PAK3: variants seen among roughly 807,000 people sequenced by gnomAD.
PAK3 encodes p21 (RAC1) activated kinase 3, also known as serine/threonine-protein kinase PAK 3.
A neutral mutation model predicts 41.0 loss-of-function variants in PAK3; 4 were observed. The observed-to-expected ratio is 0.10, with a 90% CI of 0.05 to 0.22. The LOEUF is 0.22. PAK3 is among the 10% of genes least tolerant of loss of function. The pLI is 1.00. For synonymous variants in PAK3, 146 were observed against 139.6 expected (o/e 1.05, Z -0.32); for missense variants, 205 against 409.9 (o/e 0.50, Z 4.32).
intron 1 of PAK3, among the ~76,000 whole-genome samples, chrX:110,990,384 A>T (rs1328378215): frequency 1.8e-5 from 2 of 112,049 alleles, no homozygotes; most frequent in Non-Finnish European, 3.8e-5. Flanking sequence ...TGAACATACC[A>T]TTTATGCAGG....
At chrX:111,018,893 A>G (rs1424398415) in intron 1 of PAK3, among the ~76,000 whole-genome samples, 1 of 111,580 alleles carries the variant, frequency 9.0e-6, no homozygotes, top group Non-Finnish European at 1.9e-5. Flanking sequence ...AATGACAGAC[A>G]CATATACCAA....
intron 1 of PAK3, among the ~76,000 whole-genome samples, chrX:111,016,658 A>G (rs1438670291): frequency 9.4e-6 from 1 of 106,881 alleles, no homozygotes; most frequent in Non-Finnish European, 1.9e-5. Context: ...ACTATTCAGT[A>G]GACTCTTTTT....
intron 1 of PAK3, among the ~76,000 whole-genome samples, chrX:110,984,114 G>A (rs191754113): frequency 1.4e-4 from 16 of 112,009 alleles, no homozygotes; most frequent in African/African-American, 4.5e-4. Context: ...TGCCATGTAT[G>A]GATGTTCAGG....
intron 1 of PAK3, among the ~76,000 whole-genome samples, chrX:111,037,404 G>T: frequency 8.9e-6 from 1 of 112,188 alleles, no homozygotes; most frequent in Non-Finnish European, 1.9e-5. Flanking sequence ...GGGTTGGTGT[G>T]AATGGCTTTT....
chrX:111,038,211 G>T (rs993306496), intron 1 of PAK3, among the ~76,000 whole-genome samples: 1 of 112,146 alleles, frequency 8.9e-6, no homozygotes, highest in Non-Finnish European at 1.9e-5. Flanking sequence ...TATGTTGGGG[G>T]CAGGAAGCAA....
At chrX:111,005,680 ATCCCCGGTGTTCTTT>A (rs2091912221) in intron 1 of PAK3, among the ~76,000 whole-genome samples, 1 of 111,575 alleles carries the variant, frequency 9.0e-6, no homozygotes, top group African/African-American at 3.3e-5. Context: ...GATTTGCTAT[ATCCCCGGTGTTCTTT>A]TCCCACCATC....
chrX:111,032,612 G>A (rs1259747603), intron 1 of PAK3, among the ~76,000 whole-genome samples: 3 of 111,727 alleles, frequency 2.7e-5, no homozygotes, highest in African/African-American at 9.8e-5. Flanking sequence ...CCAATGCTGA[G>A]CACAGACGAG....
chrX:111,137,190 T>C (rs977957027), intron 5 of PAK3, among the ~76,000 whole-genome samples: 2 of 111,406 alleles, frequency 1.8e-5, no homozygotes, highest in African/African-American at 6.5e-5. Flanking sequence ...TAGGCAAGTG[T>C]AGAAGTACTG....
intron 1 of PAK3, among the ~76,000 whole-genome samples, chrX:111,016,530 C>T (rs990423310): frequency 9.0e-6 from 1 of 110,891 alleles, no homozygotes; most frequent in African/African-American, 3.3e-5. Context: ...TATATGTGCA[C>T]ACGTGCTCAA....
At position 111,220,435 on chromosome X, in the gene PAK3, C is replaced by A; in HGVS notation, c.1623C>A (p.Asn541Lys). The A allele has an allele frequency of 8.5e-7, 1 of 1,177,692 alleles. No individual in the cohort carries two copies. The highest frequency in any genetic ancestry group is 2.3e-4 in the Middle Eastern group (1 of 4,262). The part of the protein sequence containing the change: ...LIIAAKEAIK[N>K]SSR Reference sequence around the variant, plus strand: ...TCGCTGCAAAGGAAGCAATTAAGAACAGCAGCCGCTAAGACTGCAAGCCTT... The same window carrying A: ...TCGCTGCAAAGGAAGCAATTAAGAAAAGCAGCCGCTAAGACTGCAAGCCTT... Residue 541 changes from asparagine (N) to lysine (K), a missense_variant, in exon 18 of 18, where the codon AAC becomes AAA. Physicochemically the swap from Asn to Lys is moderately conservative, Grantham distance 94. This residue lies in a region of PAK3 where 40 missense variants were observed against 54.4 expected (regional missense o/e 0.74). Transcript: ENST00000372007.
chrX:111,122,949 A>G lies in PAK3; in HGVS notation c.-27-128A>G, dbSNP rs1017059282. On this transcript the variant is annotated intron_variant, in intron 4 of 17. Coordinates refer to ENST00000372007, the MANE Select transcript of PAK3 (RefSeq NM_002578.5). ...TCCAGAAGAGAAACCCCTAAAAACG[A>G]TCCTCACACAAAACCTGAGAAAACA... 6.7e-5 allele frequency: 35 copies of G among 523,123 alleles called. No individual in the cohort carries two copies. In the Admixed American group the frequency reaches 9.9e-4, roughly 15 times the overall value. The allele number at this position is 523,123 out of a possible 1,213,427, so 43.1% of individuals were successfully genotyped here.
At chrX:110,977,184 C>T (rs1487463108) in intron 1 of PAK3, among the ~76,000 whole-genome samples, 1 of 109,729 alleles carries the variant, frequency 9.1e-6, no homozygotes, top group African/African-American at 3.3e-5. Flanking sequence ...TTAGGTTTAG[C>T]TTTTGTTTGA....
intron 1 of PAK3, among the ~76,000 whole-genome samples, chrX:110,984,771 C>G (rs1009946820): frequency 9.1e-6 from 1 of 110,347 alleles, no homozygotes; most frequent in Non-Finnish European, 1.9e-5. Flanking sequence ...CAGCCTTACG[C>G]CCCCCCGCCC....
At chrX:111,146,407 C>T in intron 6 of PAK3, 1 of 537,662 alleles carries the variant, frequency 1.9e-6, no homozygotes, top group Admixed American at 2.9e-5. Flanking sequence ...AACTGCCCCA[C>T]TTTAGAAGGG....
chrX:111,125,314 T>C (rs1296798389), intron 5 of PAK3, among the ~76,000 whole-genome samples: 1 of 111,014 alleles, frequency 9.0e-6, no homozygotes, highest in Non-Finnish European at 1.9e-5. Context: ...GAAAAACCTA[T>C]GGATGAGGAT....
intron 1 of PAK3, among the ~76,000 whole-genome samples, chrX:110,986,207 C>T (rs1422332553): frequency 8.9e-6 from 1 of 112,077 alleles, no homozygotes; most frequent in Non-Finnish European, 1.9e-5. Flanking sequence ...AATTTAACAC[C>T]TCTTGGAATC....
chrX:110,979,709 G>A (rs1168588906), intron 1 of PAK3, among the ~76,000 whole-genome samples: 2 of 112,139 alleles, frequency 1.8e-5, no homozygotes, highest in African/African-American at 6.5e-5. Context: ...GTGGGAGCTT[G>A]ATTACTGATT....
At chrX:111,092,330 C>T (rs756342208), upstream of PAK3, among the ~76,000 whole-genome samples, 9 of 111,902 alleles carry the variant, frequency 8.0e-5, no homozygotes, top group Middle Eastern at 9.3e-3. Context: ...TACACATACC[C>T]ACATGTCTTT....
At chrX:111,024,924 G>A (rs2092247062) in intron 1 of PAK3, among the ~76,000 whole-genome samples, 2 of 111,162 alleles carry the variant, frequency 1.8e-5, no homozygotes, top group African/African-American at 6.5e-5. Context: ...GTAAATTTAA[G>A]AAAATCGAAA....
Sources: allele counts gnomAD v4.1 joint callset (sites outside exome capture counted in the v4.1 genomes callset), GRCh38; gene constraint gnomAD v4.1.1; regional missense constraint gnomAD v4.1.1; transcripts MANE v1.5; gene names NCBI Gene and HGNC (gene_info 2026-07-23, HGNC 2026-07-21).